Variants in AGAP1 observed in about 807,000 individuals in gnomAD.
AGAP1 encodes ArfGAP with GTPase domain, ankyrin repeat and PH domain 1, also known as arf-GAP with GTPase, ANK repeat and PH domain-containing protein 1.
A neutral mutation model predicts 105.3 loss-of-function variants in AGAP1; 29 were observed. The ratio of observed to expected loss-of-function variants is 0.28; its 90% CI spans 0.21 to 0.38. The LOEUF (loss-of-function observed/expected upper bound fraction) is 0.38, where lower values mean the gene tolerates loss of function less well. AGAP1 is among the 10% of genes least tolerant of loss of function. The probability of loss-of-function intolerance (pLI) is 1.00; values close to 1 mark genes in which losing one functional copy is unlikely to be tolerated. For missense variants in AGAP1, 998 were observed against 1,165.1 expected (o/e 0.86, Z 2.09); for synonymous variants, 509 against 485.9 (o/e 1.05, Z -0.63).
chr2:235,765,683 G>T (rs1470687060), intron 6 of AGAP1, among the ~76,000 whole-genome samples: 2 of 152,170 alleles, frequency 1.3e-5, no homozygotes, highest in Admixed American at 1.3e-4. Context: ...CTCATCCCCA[G>T]CCAACTGTAT....
chr2:235,643,453 AAAAAAAAG>A (rs1947268703), intron 1 of AGAP1, among the ~76,000 whole-genome samples: 2 of 150,722 alleles, frequency 1.3e-5, no homozygotes, highest in South Asian at 2.1e-4. Context: ...AAAAAAAAAA[AAAAAAAAG>A]AAAGAAAGTT....
At chr2:235,928,211 G>A (rs1020607752) in intron 11 of AGAP1, among the ~76,000 whole-genome samples, 2 of 152,194 alleles carry the variant, frequency 1.3e-5, no homozygotes, top group African/African-American at 2.4e-5. Context: ...CCTTTTGTCT[G>A]CTCAGAATTC....
Position 235,793,222 on chromosome 2 carries a change from C to T in AGAP1, c.674-4537C>T, listed in dbSNP as rs903247007. Among the ~76,000 whole-genome samples the T allele has an allele frequency of 1.3e-5, 2 of 152,156 alleles. No homozygotes were observed. Among genetic ancestry groups the T allele is most frequent in the Admixed American group, 6.5e-5 (1 of 15,286 alleles). ...TTGCAGAGAGCAGGAGAGGCAGAGT[C>T]GAGCAGCATCCCCGGGCTTTCCAGA... On this transcript the variant is annotated intron_variant, in intron 6 of 17. Transcript: ENST00000304032. This position sits in a 1 kb window ranked among gnomAD's most constrained non-coding sequence, Gnocchi z 5.3.
At chr2:235,826,341 A>G (rs1959061791) in intron 9 of AGAP1, among the ~76,000 whole-genome samples, 1 of 152,350 alleles carries the variant, frequency 6.6e-6, no homozygotes, top group Admixed American at 6.5e-5. Context: ...CTGAGCAGGG[A>G]TAAGGAAAGG....
intron 1 of AGAP1, among the ~76,000 whole-genome samples, chr2:235,510,592 G>A (rs1463919006): frequency 6.6e-6 from 1 of 152,116 alleles, no homozygotes; most frequent in African/African-American, 2.4e-5. Flanking sequence ...GATGTGCTGG[G>A]TATATAATTA....
intron 1 of AGAP1, among the ~76,000 whole-genome samples, chr2:235,521,738 ATATATGTGTG>A (rs1228796652): frequency 2.9e-4 from 34 of 116,738 alleles, no homozygotes; most frequent in African/African-American, 6.1e-4. Context: ...TGTTTGTTAT[ATATATGTGTG>A]TGTGTGTGTG....
chr2:235,574,919 T>A lies in AGAP1; in HGVS notation c.163+80070T>A, dbSNP rs942039695. Among the ~76,000 whole-genome samples, 1 of 152,132 alleles carries A rather than the reference T, an allele frequency of 6.6e-6. No individual in the cohort carries two copies. Among genetic ancestry groups the A allele is most frequent in the Non-Finnish European group, 1.5e-5 (1 of 68,032 alleles). On this transcript the variant is annotated intron_variant, in intron 1 of 17. Transcript: ENST00000304032. The surrounding 1 kb of genome is among the most constrained non-coding windows in gnomAD (Gnocchi z 5.0). The stretch of plus-strand genomic sequence containing the variant: ...AAATGGATCACTTGAGCTCAGGAGT[T>A]CGACACCAGCCTAGGCAACATGGCA...
Position 236,008,452 on chromosome 2 carries a change from A to AT in AGAP1, c.1646-28107dup, listed in dbSNP as rs1359487684. On this transcript the variant is annotated intron_variant, in intron 13 of 17. Transcript: ENST00000304032. ...ACAATGTGCAAAACAAAAAGTCTAC[A>AT]TTAGAAATTTATCATGAAGTTATAC... Among the ~76,000 whole-genome samples, 22 of 152,352 alleles carry AT rather than the reference A, an allele frequency of 1.4e-4. No homozygotes were observed. In the East Asian group the frequency reaches 2.5e-3, roughly 17 times the overall value.
rs75122784 is a variant in AGAP1, at chr2:235,920,454, T to G, written c.1325-10311T>G. Among the ~76,000 whole-genome samples, 207 of 152,270 alleles carry G rather than the reference T, an allele frequency of 1.4e-3. 6 individuals are homozygous for G. In the East Asian group the frequency reaches 0.036, roughly 27 times the overall value. On this transcript the variant is annotated intron_variant, in intron 11 of 17. Coordinates refer to ENST00000304032, the MANE Select transcript of AGAP1 (RefSeq NM_001037131.3). ...GTGCCCCAAGCGCAGGGTTGTTGTT[T>G]TTTTTCTCTCCTTCCTTTCTTTTGT...
chr2:235,756,855 A>G (rs914835612), intron 6 of AGAP1, among the ~76,000 whole-genome samples: 6 of 152,084 alleles, frequency 3.9e-5, no homozygotes, highest in Non-Finnish European at 5.9e-5. Context: ...TCCCAAAACC[A>G]TCCCCATCCC....
rs1038506595 is a variant in AGAP1 at position 235,867,372 on chromosome 2, A to G, written c.1051-15973A>G. 3.2e-4 allele frequency among the ~76,000 whole-genome samples: 48 copies of G among 152,304 alleles called. No homozygotes were observed. The highest frequency in any genetic ancestry group is 1.1e-3 in the African/African-American group (47 of 41,574). ...TTCCGATAAAACTTTATTTACAGAA[A>G]GAGGCAGAGGATCAGATTTGGCCGA... On this transcript the variant is annotated intron_variant, in intron 9 of 17. Transcript: ENST00000304032. The surrounding 1 kb of genome is among the most constrained non-coding windows in gnomAD (Gnocchi z 5.4).
rs567639757 is a variant in AGAP1, at chr2:235,736,143, C to T, written c.311-4820C>T. On this transcript the variant is annotated intron_variant, in intron 3 of 17. Transcript: ENST00000304032. The surrounding 1 kb of genome is among the most constrained non-coding windows in gnomAD (Gnocchi z 5.5). ...TCACAGCTGCCCAGCGACCTGGTTC[C>T]ACCTTAGGGTCAGGCAGCTGCGACC... Among the ~76,000 whole-genome samples the T allele has an allele frequency of 1.6e-4, 24 of 151,648 alleles. No homozygotes were observed. Among genetic ancestry groups the T allele is most frequent in the Non-Finnish European group, 2.4e-4 (16 of 67,986 alleles).
chr2:235,903,054 T>C (rs1225322487), intron 10 of AGAP1, among the ~76,000 whole-genome samples: 2 of 152,154 alleles, frequency 1.3e-5, no homozygotes, highest in Non-Finnish European at 2.9e-5. Flanking sequence ...AACACAGCAA[T>C]AAAAAGGCAA....
intron 12 of AGAP1, among the ~76,000 whole-genome samples, chr2:235,945,213 G>A (rs2125234356): frequency 6.6e-6 from 1 of 152,248 alleles, no homozygotes; most frequent in Non-Finnish European, 1.5e-5. Flanking sequence ...CCATTCTCCT[G>A]CCTCAGCCTC....
At position 236,105,743 on chromosome 2, in the gene AGAP1, G is replaced by A. The variant is rs1166528296; in HGVS notation, c.2115-14449G>A. On this transcript the variant is annotated intron_variant, in intron 16 of 17. Transcript: ENST00000304032. This position sits in a 1 kb window ranked among gnomAD's most constrained non-coding sequence, Gnocchi z 4.2. ...CGAGTAGCTGGGACTACAGGCGCCC[G>A]CCACCATGCCCGGCTGATTTTGTTT... Among the ~76,000 whole-genome samples the A allele has an allele frequency of 4.6e-5, 7 of 152,088 alleles. No homozygotes were observed. Among genetic ancestry groups the A allele is most frequent in the African/African-American group, 1.2e-4 (5 of 41,516 alleles).
At chr2:235,806,624 C>A (rs1957847780) in intron 8 of AGAP1, among the ~76,000 whole-genome samples, 2 of 152,178 alleles carry the variant, frequency 1.3e-5, no homozygotes, top group South Asian at 2.1e-4. Context: ...CAAATACTGA[C>A]CTTTCGTCCA....
intron 16 of AGAP1, among the ~76,000 whole-genome samples, chr2:236,060,167 T>C (rs775726934): frequency 3.9e-5 from 6 of 152,212 alleles, no homozygotes; most frequent in Non-Finnish European, 8.8e-5. Context: ...ATAAAACTTT[T>C]AGAAGAAAAT....
intron 13 of AGAP1, among the ~76,000 whole-genome samples, chr2:236,019,556 C>G (rs1252366234): frequency 6.6e-6 from 1 of 152,172 alleles, no homozygotes; most frequent in Non-Finnish European, 1.5e-5. Context: ...GAAACCGAGC[C>G]TGGGAGAAGG....
rs532428329 is a variant in AGAP1, at chr2:235,988,332, C to T, written c.1645+19709C>T. Among the ~76,000 whole-genome samples, 7 of 152,146 alleles carry T rather than the reference C, an allele frequency of 4.6e-5. No homozygotes were observed. Among genetic ancestry groups the T allele is most frequent in the Non-Finnish European group, 7.3e-5 (5 of 68,034 alleles). On this transcript the variant is annotated intron_variant, in intron 13 of 17. Coordinates refer to ENST00000304032, the MANE Select transcript of AGAP1 (RefSeq NM_001037131.3). The surrounding 1 kb of genome is among the most constrained non-coding windows in gnomAD (Gnocchi z 4.7). ...TGGTAGGATTACAGGCGTGAGCCAC[C>T]GTGCCTGGCCTAAAACTCCTTTTGA...
Sources: gnomAD v4.1 joint callset for allele counts (sites outside exome capture counted in the v4.1 genomes callset) on GRCh38, gnomAD v4.1.1 for gene constraint, Gnocchi (gnomAD v3.1) non-coding constraint, MANE v1.5 for transcripts, NCBI Gene and HGNC (gene_info 2026-07-23, HGNC 2026-07-21) for gene names.